Variants in KIAA1549 observed in about 807,000 individuals in gnomAD.
KIAA1549 encodes the protein KIAA1549.
KIAA1549 carries 70 observed loss-of-function variants against 156.4 expected under a neutral mutation model. The observed-to-expected ratio is 0.45, with a 90% CI of 0.37 to 0.55. The LOEUF is 0.55. KIAA1549 is among the 20% of genes least tolerant of loss of function. KIAA1549 has a pLI of 0.00. For missense variants in KIAA1549, 2,428 were observed against 2,540.9 expected (o/e 0.96, Z 0.96); for synonymous variants, 1,103 against 1,066.4 (o/e 1.03, Z -0.67).
At chr7:138,894,820 C>T (rs1314534022) in intron 9 of KIAA1549, among the ~76,000 whole-genome samples, 1 of 152,208 alleles carries the variant, frequency 6.6e-6, no homozygotes, top group Non-Finnish European at 1.5e-5. Flanking sequence ...GTTTATTCTA[C>T]TAGCTCACCC....
At chr7:138,902,862 G>A (rs898427485) in intron 8 of KIAA1549, among the ~76,000 whole-genome samples, 33 of 152,176 alleles carry the variant, frequency 2.2e-4, no homozygotes, top group African/African-American at 7.7e-4. Context: ...ACAAAAGGAT[G>A]TATGCAGTGT....
chr7:138,943,868 A>C (rs1005803549), intron 1 of KIAA1549, among the ~76,000 whole-genome samples: 20 of 152,026 alleles, frequency 1.3e-4, no homozygotes, highest in Admixed American at 5.2e-4. Context: ...CAAAACAAAA[A>C]AAAAATGCAT....
chr7:138,889,407 CATT>C (rs1811488559), intron 10 of KIAA1549, among the ~76,000 whole-genome samples: 1 of 152,198 alleles, frequency 6.6e-6, no homozygotes, highest in Non-Finnish European at 1.5e-5. Context: ...ATGCTGACAG[CATT>C]ATTATTACTG....
intron 1 of KIAA1549, among the ~76,000 whole-genome samples, chr7:138,928,711 T>A (rs1812789829): frequency 6.6e-6 from 1 of 152,238 alleles, no homozygotes; most frequent in African/African-American, 2.4e-5. Flanking sequence ...CATATAAAAG[T>A]TATGTTTATA....
In KIAA1549 at chr7:138,919,030, G is replaced by A. The variant is rs747228962; in HGVS notation, c.596C>T (p.Pro199Leu). 2 of 1,614,012 alleles carry A rather than the reference G, an allele frequency of 1.2e-6. No homozygotes were observed. Among genetic ancestry groups the A allele is most frequent in the East Asian group, 4.5e-5 (2 of 44,882 alleles). The change falls in exon 2 of 20, where the codon CCC (proline) becomes CTC (leucine). Residue 199 changes from proline (P) to leucine (L), a missense_variant. Pro to Leu is a moderately conservative substitution (Grantham distance 98). Around this residue, in one of 5 missense-constraint regions of KIAA1549, gnomAD observed 893 missense variants for 847.9 expected, o/e 1.05. Transcript: ENST00000422774. ...ALEPMLTPSL[P>L]MVSLQDEEVT... ...TTCTTCATCTTGTAAAGAAACCATG[G>A]GTAATGATGGAGTGAGCATAGGTTC...
intron 15 of KIAA1549, among the ~76,000 whole-genome samples, chr7:138,867,123 T>C (rs1810768870): frequency 6.6e-6 from 1 of 152,170 alleles, no homozygotes; most frequent in African/African-American, 2.4e-5. Flanking sequence ...CATTAACCTC[T>C]TTCTCCCATA....
chr7:138,928,916 T>TA (rs201717103), intron 1 of KIAA1549, among the ~76,000 whole-genome samples: 1 of 151,952 alleles, frequency 6.6e-6, no homozygotes, highest in South Asian at 2.1e-4. Flanking sequence ...AAAAATACAT[T>TA]AAAAAAAATG....
At chr7:138,893,359 G>C (rs1811594805) in intron 10 of KIAA1549, among the ~76,000 whole-genome samples, 1 of 151,952 alleles carries the variant, frequency 6.6e-6, no homozygotes, top group Non-Finnish European at 1.5e-5. Context: ...AGGTAGCTTT[G>C]CTCTTCTCTA....
At chr7:138,964,468 T>C (rs115339869) in intron 1 of KIAA1549, among the ~76,000 whole-genome samples, 399 of 152,308 alleles carry the variant, frequency 2.6e-3, no homozygotes, top group African/African-American at 9.0e-3. Context: ...CCTCATGCAA[T>C]TGTTGCACGG....
chr7:138,918,667 T>C lies in KIAA1549; in HGVS notation c.959A>G (p.Asp320Gly). 6.2e-7 allele frequency: 1 copy of C among 1,613,844 alleles called. No homozygotes were observed. The highest frequency in any genetic ancestry group is 8.5e-7 in the Non-Finnish European group (1 of 1,179,888). Residue 320 changes from aspartate (D) to glycine (G), a missense_variant, in exon 2 of 20, where the codon GAC (aspartate) becomes GGC (glycine). Asp to Gly is a moderately conservative substitution (Grantham distance 94, BLOSUM62 -1). Around this residue, in one of 5 missense-constraint regions of KIAA1549, gnomAD observed 893 missense variants for 847.9 expected, o/e 1.05. Coordinates refer to ENST00000422774, the MANE Select transcript of KIAA1549 (RefSeq NM_001164665.2). This position sits in a 1 kb window ranked among gnomAD's most constrained non-coding sequence, Gnocchi z 4.2. ...CACAGTGGTCACATCAGTGTATCTG[T>C]CTGCACTTGTGGCCCAAACCTCCTC... ...PPEEVWATSA[D>G]RYTDVTTVLS...
chr7:138,934,865 C>T (rs1409096217), intron 1 of KIAA1549, among the ~76,000 whole-genome samples: 2 of 152,210 alleles, frequency 1.3e-5, no homozygotes, highest in East Asian at 3.9e-4. Flanking sequence ...TGGGCAGCTT[C>T]AGGTTTAGCT....
intron 16 of KIAA1549, among the ~76,000 whole-genome samples, chr7:138,853,723 G>A (rs2130352289): frequency 6.6e-6 from 1 of 152,330 alleles, no homozygotes; most frequent in Admixed American, 6.5e-5. Flanking sequence ...ACAAGGGAAA[G>A]AGGGTTATGG....
At chr7:138,920,247 T>G (rs73729963) in intron 1 of KIAA1549, among the ~76,000 whole-genome samples, 14,318 of 149,186 alleles carry the variant, frequency 0.096, 790 homozygotes, top group South Asian at 0.19. Flanking sequence ...GGATGGCTCC[T>G]TCTGGCCCTT....
chr7:138,862,373 G>A (rs1810610557), intron 15 of KIAA1549, among the ~76,000 whole-genome samples: 1 of 151,768 alleles, frequency 6.6e-6, no homozygotes, highest in Admixed American at 6.6e-5. Flanking sequence ...GGGTGGTGGT[G>A]AGCACCTGCA....
intron 18 of KIAA1549, among the ~76,000 whole-genome samples, chr7:138,843,279 G>A (rs1438010834): frequency 1.3e-5 from 2 of 152,092 alleles, no homozygotes; most frequent in Non-Finnish European, 2.9e-5. Flanking sequence ...TGATTGAAAT[G>A]GTGCATTATG....
chr7:138,929,881 G>C (rs534831377), intron 1 of KIAA1549, among the ~76,000 whole-genome samples: 25 of 152,262 alleles, frequency 1.6e-4, no homozygotes, highest in African/African-American at 6.0e-4. Context: ...CTTTTGTAGA[G>C]ATAAGGTCTC....
Position 138,918,181 on chromosome 7 carries a change from T to C in KIAA1549, c.1445A>G (p.Asn482Ser). ...GATAGGTCTGGAGGGGAAAAGCGTA[T>C]TAAATACTTGAGGATCTTCCTCAAA... ...SEFEEDPQVF[N>S]TLFPSRPIVP... Residue 482 changes from asparagine to serine, a missense_variant, in exon 2 of 20, where the codon AAT becomes AGT. Asn to Ser is a conservative substitution (Grantham distance 46, BLOSUM62 1). Coordinates refer to ENST00000422774, the MANE Select transcript of KIAA1549 (RefSeq NM_001164665.2). The surrounding 1 kb of genome is among the most constrained non-coding windows in gnomAD (Gnocchi z 4.2). The C allele has an allele frequency of 1.2e-6, 2 of 1,613,992 alleles. No individual in the cohort carries two copies. Among genetic ancestry groups the C allele is most frequent in the Non-Finnish European group, 1.7e-6 (2 of 1,179,874 alleles).
intron 13 of KIAA1549, 119 bp from the exon 14 acceptor site, chr7:138,869,880 C>CAAATAA: frequency 4.0e-6 from 3 of 756,680 alleles, no homozygotes; most frequent in Non-Finnish European, 6.3e-6. Flanking sequence ...GACAGAGTCT[C>CAAATAA]ACTCTGTTGC....
chr7:138,919,215 G>C lies in KIAA1549; in HGVS notation c.411C>G (p.Ile137Met). The C allele has an allele frequency of 6.2e-7, 1 of 1,614,042 alleles. No individual in the cohort carries two copies. The highest frequency in any genetic ancestry group is 8.5e-7 in the Non-Finnish European group (1 of 1,179,906). The part of the protein sequence containing the change: ...KQTKSTADPS[I>M]FVATYVSVTS... Reference sequence around the variant, plus strand: ...TCACTGACACGTAAGTTGCCACAAAGATGCTGGGATCTGCTGTACTTTTGG... The same window carrying C: ...TCACTGACACGTAAGTTGCCACAAACATGCTGGGATCTGCTGTACTTTTGG... The change falls in exon 2 of 20, where the codon ATC becomes ATG. Residue 137 changes from isoleucine (I) to methionine (M), a missense_variant. Ile to Met is a conservative substitution (Grantham distance 10). Coordinates refer to ENST00000422774, the MANE Select transcript of KIAA1549 (RefSeq NM_001164665.2).
Sources: allele counts gnomAD v4.1 joint callset (sites outside exome capture counted in the v4.1 genomes callset), GRCh38; gene constraint gnomAD v4.1.1; regional missense constraint gnomAD v4.1.1; non-coding constraint Gnocchi (gnomAD v3.1); transcripts MANE v1.5; gene names NCBI Gene and HGNC (gene_info 2026-07-23, HGNC 2026-07-21).